The following TIPARP variants were observed in gnomAD, a reference collection of about 807,000 sequenced individuals.
TIPARP encodes the protein protein mono-ADP-ribosyltransferase TIPARP.
A neutral mutation model predicts 56.5 loss-of-function variants in TIPARP; 12 were observed. The observed-to-expected ratio is 0.21, with a 90% CI of 0.14 to 0.34. The LOEUF is 0.34. Among genes scored for constraint, TIPARP ranks in the 10% least tolerant of loss-of-function variants. TIPARP has a pLI of 1.00. For missense variants in TIPARP, 604 were observed against 781.6 expected (o/e 0.77, Z 2.71); for synonymous variants, 296 against 265.7 (o/e 1.11, Z -1.11).
chr3:156,683,875 G>T (rs982725946), intron 2 of TIPARP, among the ~76,000 whole-genome samples: 7 of 152,032 alleles, frequency 4.6e-5, no homozygotes, highest in Non-Finnish European at 7.4e-5. Context: ...TTTTCCCATG[G>T]TCTCTTTTAT....
chr3:156,696,399 G>A (rs1202695482), intron 4 of TIPARP, among the ~76,000 whole-genome samples: 1 of 152,082 alleles, frequency 6.6e-6, no homozygotes, highest in African/African-American at 2.4e-5. Flanking sequence ...CCAAACTGCC[G>A]GGGCAAGTGA....
At chr3:156,683,262 A>G (rs1440749642) in intron 2 of TIPARP, among the ~76,000 whole-genome samples, 1 of 152,212 alleles carries the variant, frequency 6.6e-6, no homozygotes, top group Non-Finnish European at 1.5e-5. Flanking sequence ...ATATTTTATC[A>G]TTGAGTTGAA....
chr3:156,703,099 C>T (rs974187143), intron 4 of TIPARP, among the ~76,000 whole-genome samples: 1 of 152,070 alleles, frequency 6.6e-6, no homozygotes, highest in African/African-American at 2.4e-5. Flanking sequence ...GTTTCTTTAG[C>T]TATAGGTAAT....
chr3:156,692,812 A>G (rs1722609868), intron 2 of TIPARP, among the ~76,000 whole-genome samples: 1 of 152,186 alleles, frequency 6.6e-6, no homozygotes, highest in South Asian at 2.1e-4. Flanking sequence ...TTCTAAGAGC[A>G]GATTTTGGAA....
intron 2 of TIPARP, among the ~76,000 whole-genome samples, chr3:156,679,925 TTTTG>T (rs1204269608): frequency 2.6e-5 from 4 of 152,208 alleles, no homozygotes; most frequent in African/African-American, 9.7e-5. Context: ...ACATGGTTTT[TTTTG>T]TTTGTTTGTT....
rs1056978143 is a variant in TIPARP, at chr3:156,706,308, A to G, written c.*1177A>G. ...TTATAAAAAGCAAATACCTGGATTT[A>G]CAAAAGTGAAAGTAGTTGTTCACAA... On this transcript the variant is annotated 3_prime_UTR_variant, in exon 6 of 6. Transcript: ENST00000295924. 6.5e-6 allele frequency: 1 copy of G among 152,696 alleles called. No individual in the cohort carries two copies. Among genetic ancestry groups the G allele is most frequent in the Non-Finnish European group, 1.5e-5 (1 of 68,040 alleles). 9.5% of individuals were successfully genotyped at this position (152,696 alleles called of 1,614,324 possible).
At chr3:156,697,111 A>T (rs1722733250) in intron 4 of TIPARP, among the ~76,000 whole-genome samples, 1 of 152,202 alleles carries the variant, frequency 6.6e-6, no homozygotes, top group Non-Finnish European at 1.5e-5. Context: ...CTTTCTTCTA[A>T]GTGCCCGTTA....
At chr3:156,695,420 T>C (rs1722688299) in intron 3 of TIPARP, among the ~76,000 whole-genome samples, 1 of 151,984 alleles carries the variant, frequency 6.6e-6, no homozygotes, top group Non-Finnish European at 1.5e-5. Flanking sequence ...GATCTTGCGA[T>C]GTTGCCCAGT....
At chr3:156,694,703 C>G (rs1334093066) in intron 3 of TIPARP, among the ~76,000 whole-genome samples, 2 of 152,182 alleles carry the variant, frequency 1.3e-5, no homozygotes, top group Non-Finnish European at 2.9e-5. Context: ...CATCCTTAGT[C>G]TGAGACAGTG....
rs1722989850 is a variant in TIPARP at position 156,706,637 on chromosome 3, A to G, written c.*1506A>G. 6.5e-6 allele frequency: 1 copy of G among 152,676 alleles called. No individual in the cohort carries two copies. Among genetic ancestry groups the G allele is most frequent in the South Asian group, 2.1e-4 (1 of 4,832 alleles). 9.5% of individuals were successfully genotyped at this position (152,676 alleles called of 1,614,324 possible). A position where few individuals can be genotyped will look rare whatever the true frequency, so the allele number is the denominator to read the frequency against. ...GACTCCTAATCTTTTTCAAGTTAAG[A>G]CACCTTACCATTGCTTATTTGGTTT... On this transcript the variant is annotated 3_prime_UTR_variant, in exon 6 of 6. Coordinates refer to ENST00000295924, the MANE Select transcript of TIPARP (RefSeq NM_015508.5).
At chr3:156,682,455 A>G (rs1340826091) in intron 2 of TIPARP, among the ~76,000 whole-genome samples, 1 of 152,184 alleles carries the variant, frequency 6.6e-6, no homozygotes, top group Non-Finnish European at 1.5e-5. Flanking sequence ...TTGCCCTTAG[A>G]AGTCTATTTT....
At chr3:156,702,087 G>GTGGTGGTGGTGA (rs1722862495) in intron 4 of TIPARP, among the ~76,000 whole-genome samples, 3 of 150,126 alleles carry the variant, frequency 2.0e-5, no homozygotes, top group African/African-American at 7.4e-5. Context: ...GGTGGTGGTG[G>GTGGTGGTGGTGA]TGGTGGTGAT....
At chr3:156,701,387 G>C (rs528453064) in intron 4 of TIPARP, among the ~76,000 whole-genome samples, 35 of 152,328 alleles carry the variant, frequency 2.3e-4, no homozygotes, top group Non-Finnish European at 4.7e-4. Flanking sequence ...AAAACCTCTA[G>C]AGGAGAGTGT....
chr3:156,684,111 GATA>G (rs1722370292), intron 2 of TIPARP, among the ~76,000 whole-genome samples: 1 of 152,296 alleles, frequency 6.6e-6, no homozygotes. Flanking sequence ...CAAATTGCAA[GATA>G]ATTATTTTGG....
At chr3:156,689,808 C>T (rs1722520857) in intron 2 of TIPARP, among the ~76,000 whole-genome samples, 2 of 152,162 alleles carry the variant, frequency 1.3e-5, no homozygotes, top group Non-Finnish European at 2.9e-5. Context: ...CATGTGGTGT[C>T]CTGCCTCCCA....
chr3:156,690,400 C>A lies in TIPARP; in HGVS notation c.918-3620C>A, dbSNP rs544843162. Among the ~76,000 whole-genome samples the A allele has an allele frequency of 6.6e-5, 10 of 152,210 alleles. No homozygotes were observed. In the East Asian group the frequency reaches 1.9e-3, roughly 29 times the overall value. The stretch of plus-strand genomic sequence containing the variant: ...TTAATGTGGGTGTTGGTGCTCTATG[C>A]ATTGGTAATGTATGTCGGAAAATGT... On this transcript the variant is annotated intron_variant, in intron 2 of 5. Transcript: ENST00000295924.
chr3:156,690,692 T>C (rs73014000), intron 2 of TIPARP, among the ~76,000 whole-genome samples: 3,375 of 152,218 alleles, frequency 0.022, 128 homozygotes, highest in African/African-American at 0.077. Flanking sequence ...GGCTGTATCT[T>C]AGATAAAACA....
rs150980586 is a variant in TIPARP at position 156,677,653 on chromosome 3, G to A, written c.-41-4G>A. On this transcript the variant is annotated splice_region_variant and splice_polypyrimidine_tract_variant and intron_variant, in intron 1 of 5. Coordinates refer to ENST00000295924, the MANE Select transcript of TIPARP (RefSeq NM_015508.5). The stretch of plus-strand genomic sequence containing the variant: ...AATGATCATCTTCCTTCCTTTCCTC[G>A]TAGGATTTTTAGACTCTGAGGAGCA... 26 of 1,492,404 alleles carry A rather than the reference G, an allele frequency of 1.7e-5. No homozygotes were observed. Among genetic ancestry groups the A allele is most frequent in the African/African-American group, 1.7e-4 (12 of 71,266 alleles). 92.4% of individuals were successfully genotyped at this position (1,492,404 alleles called of 1,614,324 possible). A position where few individuals can be genotyped will look rare whatever the true frequency, so the allele number is the denominator to read the frequency against.
At chr3:156,704,544 C>A in intron 5 of TIPARP, 140 bp from the exon 6 acceptor site, 1 of 828,110 alleles carries the variant, frequency 1.2e-6, no homozygotes, top group Non-Finnish European at 1.9e-6. Flanking sequence ...TAAGTTTCAA[C>A]TTTTAATAGG....
Sources: allele counts gnomAD v4.1 joint callset (sites outside exome capture counted in the v4.1 genomes callset), GRCh38; gene constraint gnomAD v4.1.1; transcripts MANE v1.5; gene names NCBI Gene and HGNC (gene_info 2026-07-23, HGNC 2026-07-21).